The following TMEM132D variants were observed in gnomAD, a reference collection of about 807,000 sequenced individuals.
The protein encoded by TMEM132D is mature OL transmembrane protein.
Under a neutral mutation model 62.3 loss-of-function variants are expected in TMEM132D, and 21 were observed. The observed-to-expected ratio is 0.34, with a 90% CI of 0.24 to 0.49. TMEM132D has a LOEUF of 0.49. TMEM132D is among the 20% of genes least tolerant of loss of function. TMEM132D has a pLI of 0.99. For synonymous variants in TMEM132D, 621 were observed against 575.6 expected, an observed-to-expected ratio of 1.08 and a Z score of -1.13; for missense variants, 1,346 against 1,402.8, an observed-to-expected ratio of 0.96 and a Z score of 0.65.
At chr12:129,663,759 G>A (rs1880304463) in intron 2 of TMEM132D, among the ~76,000 whole-genome samples, 1 of 152,150 alleles carries the variant, frequency 6.6e-6, no homozygotes, top group South Asian at 2.1e-4. Flanking sequence ...GAAACAAGAG[G>A]AGAAGAAAGA....
chr12:129,871,287 A>G (rs1874233242), intron 1 of TMEM132D, among the ~76,000 whole-genome samples: 1 of 152,040 alleles, frequency 6.6e-6, no homozygotes, highest in Non-Finnish European at 1.5e-5. Flanking sequence ...TGCTGGGAGG[A>G]TGGAGGTCAT....
At chr12:129,726,740 C>T (rs1197793801) in intron 1 of TMEM132D, among the ~76,000 whole-genome samples, 2 of 152,086 alleles carry the variant, frequency 1.3e-5, no homozygotes, top group Admixed American at 6.5e-5. Flanking sequence ...CTACCAGTAG[C>T]AAGAGTTAGC....
At chr12:129,649,786 ATG>A (rs1162283838) in intron 2 of TMEM132D, among the ~76,000 whole-genome samples, 1 of 151,804 alleles carries the variant, frequency 6.6e-6, no homozygotes, top group East Asian at 1.9e-4. Flanking sequence ...GTGTATATGT[ATG>A]TGTGTGTGCG....
intron 3 of TMEM132D, among the ~76,000 whole-genome samples, chr12:129,441,055 C>T (rs752057033): frequency 2.6e-5 from 4 of 152,154 alleles, no homozygotes; most frequent in South Asian, 2.1e-4. Flanking sequence ...AGGGTCTAGT[C>T]GAGCTACCAT....
At chr12:129,898,571 C>T (rs776114703) in intron 1 of TMEM132D, among the ~76,000 whole-genome samples, 5 of 152,218 alleles carry the variant, frequency 3.3e-5, no homozygotes, top group Non-Finnish European at 5.9e-5. Context: ...CCAGTCCATC[C>T]GGTAACGCCA....
At chr12:129,302,113 T>G (rs1881729925) in intron 4 of TMEM132D, among the ~76,000 whole-genome samples, 1 of 152,182 alleles carries the variant, frequency 6.6e-6, no homozygotes, top group African/African-American at 2.4e-5. Context: ...TGTCTGCCAC[T>G]TTATTTTTTT....
At chr12:129,147,011 G>T (rs1421781620) in intron 5 of TMEM132D, among the ~76,000 whole-genome samples, 2 of 152,050 alleles carry the variant, frequency 1.3e-5, no homozygotes, top group Non-Finnish European at 2.9e-5. Flanking sequence ...GTTAAAAAAA[G>T]AAAACTCACG....
At chr12:129,404,286 C>T (rs1444410237) in intron 3 of TMEM132D, among the ~76,000 whole-genome samples, 1 of 151,908 alleles carries the variant, frequency 6.6e-6, no homozygotes, top group African/African-American at 2.4e-5. Context: ...GCAACCTCCA[C>T]CTCCCGGGTT....
At chr12:129,528,193 C>T (rs990154271) in intron 3 of TMEM132D, among the ~76,000 whole-genome samples, 1 of 152,154 alleles carries the variant, frequency 6.6e-6, no homozygotes, top group African/African-American at 2.4e-5. Context: ...ATTATTAAAA[C>T]ATCTACTCTA....
At chr12:129,540,841 C>T (rs934388450) in intron 2 of TMEM132D, among the ~76,000 whole-genome samples, 43 of 152,220 alleles carry the variant, frequency 2.8e-4, no homozygotes, top group South Asian at 2.5e-3. Flanking sequence ...CATTATGCTG[C>T]CCAGGCTGGG....
At chr12:129,319,641 C>T (rs1006995033) in intron 4 of TMEM132D, among the ~76,000 whole-genome samples, 1 of 152,168 alleles carries the variant, frequency 6.6e-6, no homozygotes, top group East Asian at 1.9e-4. Context: ...CTGTTCAGAG[C>T]AGTCCAGTGT....
At chr12:129,619,681 C>A in intron 2 of TMEM132D, among the ~76,000 whole-genome samples, 1 of 152,174 alleles carries the variant, frequency 6.6e-6, no homozygotes, top group East Asian at 1.9e-4. Context: ...TTAATGTCCC[C>A]ATTATAAATT....
At chr12:129,737,929 G>A (rs1252782861) in intron 1 of TMEM132D, among the ~76,000 whole-genome samples, 1 of 152,194 alleles carries the variant, frequency 6.6e-6, no homozygotes, top group East Asian at 1.9e-4. Context: ...TTGTGGCAAT[G>A]CCACAAAGAC....
At chr12:129,101,984 G>GTTTTT (rs774221783) in intron 5 of TMEM132D, among the ~76,000 whole-genome samples, 6 of 126,958 alleles carry the variant, frequency 4.7e-5, no homozygotes, top group South Asian at 2.4e-4. Flanking sequence ...CAAAGCTGCT[G>GTTTTT]TTTTTTTTTT....
intron 2 of TMEM132D, among the ~76,000 whole-genome samples, chr12:129,633,309 T>A (rs912527989): frequency 3.3e-5 from 5 of 152,194 alleles, no homozygotes; most frequent in African/African-American, 1.2e-4. Flanking sequence ...TTGTTTCCAA[T>A]TCTTACAAGG....
intron 2 of TMEM132D, among the ~76,000 whole-genome samples, chr12:129,669,502 C>T (rs1224337442): frequency 1.3e-5 from 2 of 152,048 alleles, no homozygotes; most frequent in African/African-American, 2.4e-5. Context: ...ATCAGGAGTT[C>T]GAGACCAGGC....
At chr12:129,446,050 G>C (rs2135723776) in intron 3 of TMEM132D, among the ~76,000 whole-genome samples, 1 of 152,296 alleles carries the variant, frequency 6.6e-6, no homozygotes, top group Admixed American at 6.5e-5. Flanking sequence ...AAAAGGGAGA[G>C]AAGCTTGAGC....
At chr12:129,790,976 A>C (rs1357555470) in intron 1 of TMEM132D, among the ~76,000 whole-genome samples, 7 of 152,254 alleles carry the variant, frequency 4.6e-5, no homozygotes. Context: ...AGAAATTGAA[A>C]GCTGGCAATT....
At chr12:129,354,481 G>A (rs1869973272) in intron 3 of TMEM132D, among the ~76,000 whole-genome samples, 1 of 151,832 alleles carries the variant, frequency 6.6e-6, no homozygotes. Flanking sequence ...GAGCCACCAC[G>A]CCCGGTTAAT....
Sources: gnomAD v4.1 joint callset for allele counts (sites outside exome capture counted in the v4.1 genomes callset) on GRCh38, gnomAD v4.1.1 for gene constraint, MANE v1.5 for transcripts, NCBI Gene and HGNC (gene_info 2026-07-23, HGNC 2026-07-21) for gene names.